The following ACLY variants were observed in gnomAD, a reference collection of about 807,000 sequenced individuals.
The protein encoded by ACLY is ATP-citrate synthase.
ACLY carries 41 observed loss-of-function variants against 133.0 expected under a neutral mutation model. The observed-to-expected ratio is 0.31, with a 90% confidence interval of 0.24 to 0.40. ACLY has a LOEUF of 0.40. Among genes scored for constraint, ACLY ranks in the 10% least tolerant of loss-of-function variants. The probability of loss-of-function intolerance (pLI) is 1.00; values close to 1 mark genes in which losing one functional copy is unlikely to be tolerated. For missense variants in ACLY, 1,046 were observed against 1,453.8 expected (o/e 0.72, Z 4.56); for synonymous variants, 495 against 549.3 (o/e 0.90, Z 1.38).
chr17:41,910,188 G>C (rs782143779), intron 4 of ACLY, 34 bp downstream of exon 4: 13 of 1,605,336 alleles, frequency 8.1e-6, no homozygotes, highest in African/African-American at 2.7e-5. Flanking sequence ...TTCCAGGAGG[G>C]AGAAGACCCA....
At chr17:41,922,775 A>G (rs888408232), upstream of ACLY, among the ~76,000 whole-genome samples, 6 of 152,240 alleles carry the variant, frequency 3.9e-5, no homozygotes, top group African/African-American at 1.2e-4. Flanking sequence ...TGCTAGGCCT[A>G]AGTTTGACTA....
rs782309233 is a variant in ACLY, at chr17:41,887,630, T to A, written c.1844A>T (p.Gln615Leu). Residue 615 changes from glutamine to leucine, a missense_variant, in exon 17 of 29, where the codon CAG becomes CTG. Transcript: ENST00000352035. ...LTRKLIKKAD[Q>L]KGVTIIGPAT... is the part of the protein sequence containing the mutation. ...AGGTCCGATGATGGTCACTCCCTTC[T>A]GGTCCGCCTTCTTGATCAGCTTTCT... 1 of 1,613,932 alleles carries A rather than the reference T, an allele frequency of 6.2e-7. No individual in the cohort carries two copies. The highest frequency in any genetic ancestry group is 2.2e-5 in the East Asian group (1 of 44,868).
chr17:41,925,850 C>CTT (rs113731595), intron 1 of ACLY, among the ~76,000 whole-genome samples: 1 of 145,484 alleles, frequency 6.9e-6, no homozygotes. Context: ...CATAGGTGTA[C>CTT]TTTTTTTTTT....
At chr17:41,923,960 G>A (rs191478085), upstream of ACLY, among the ~76,000 whole-genome samples, 5 of 151,982 alleles carry the variant, frequency 3.3e-5, no homozygotes, top group South Asian at 4.2e-4. Flanking sequence ...ACAGGTGCCC[G>A]CCACCATGCC....
At chr17:41,894,221 A>T (rs1963286618) in intron 14 of ACLY, among the ~76,000 whole-genome samples, 1 of 150,420 alleles carries the variant, frequency 6.6e-6, no homozygotes, top group Non-Finnish European at 1.5e-5. Flanking sequence ...CATCTCAAAA[A>T]AAAAAAAAAA....
intron 6 of ACLY, among the ~76,000 whole-genome samples, chr17:41,908,040 C>A (rs184465658): frequency 1.3e-5 from 2 of 152,272 alleles, no homozygotes; most frequent in Admixed American, 1.3e-4. Context: ...GTGCACTGGA[C>A]TCCCAATCAG....
rs1259794049 is a variant in ACLY at position 41,867,099 on chromosome 17, C to A, written c.*711G>T. The A allele has an allele frequency of 6.6e-6, 1 of 152,610 alleles. No individual in the cohort carries two copies. Among genetic ancestry groups the A allele is most frequent in the Non-Finnish European group, 1.5e-5 (1 of 68,036 alleles). The allele number at this position is 152,610 out of a possible 1,614,324, so 9.5% of individuals were successfully genotyped here. Reference sequence around the variant, plus strand: ...GCATAAATACAGAGAACATAAGACACAAGACATTTCACAGCTTTCTGCATT... The same window carrying A: ...GCATAAATACAGAGAACATAAGACAAAAGACATTTCACAGCTTTCTGCATT... On this transcript the variant is annotated 3_prime_UTR_variant, in exon 29 of 29. Transcript: ENST00000352035.
chr17:41,918,784 C>T lies in ACLY; in HGVS notation c.-24+96G>A, dbSNP rs562046496. 1.2e-5 allele frequency: 15 copies of T among 1,254,704 alleles called. No individual in the cohort carries two copies. In the South Asian group the frequency reaches 1.8e-4, roughly 15 times the overall value. The allele number at this position is 1,254,704 out of a possible 1,614,324, so 77.7% of individuals were successfully genotyped here. A position where few individuals can be genotyped will look rare whatever the true frequency, so the allele number is the denominator to read the frequency against. ...CGAGCAGGGCGCGTGGGCACCGAGC[C>T]CGCGTCGGGGAAGGCGGTTCCGGGT... On this transcript the variant is annotated intron_variant, in intron 1 of 28. Transcript: ENST00000352035.
At chr17:41,901,094 A>G (rs1187901374) in intron 11 of ACLY, among the ~76,000 whole-genome samples, 1 of 150,986 alleles carries the variant, frequency 6.6e-6, no homozygotes, top group Non-Finnish European at 1.5e-5. Context: ...AGCTGGGACT[A>G]CAGGTGTGTA....
At chr17:41,903,761 A>C in intron 10 of ACLY, among the ~76,000 whole-genome samples, 1 of 32,912 alleles carries the variant, frequency 3.0e-5, no homozygotes, top group Non-Finnish European at 8.8e-5. Flanking sequence ...GTCTCAAAAA[A>C]AAAAAAAAAA....
intron 1 of ACLY, 39 bp downstream of exon 1, chr17:41,918,841 A>T: frequency 7.8e-7 from 1 of 1,285,452 alleles, no homozygotes; most frequent in Non-Finnish European, 1.0e-6. Flanking sequence ...TCCTAGGGCG[A>T]GCGGGCTCCA....
chr17:41,908,935 G>A (rs1305373289), intron 6 of ACLY, 54 bp downstream of exon 6: 2 of 1,413,118 alleles, frequency 1.4e-6, no homozygotes, highest in Non-Finnish European at 2.0e-6. Flanking sequence ...CAAGGCCAGG[G>A]CTGTCATAGG....
chr17:41,901,316 T>C (rs1032718247), intron 11 of ACLY, among the ~76,000 whole-genome samples: 4 of 152,046 alleles, frequency 2.6e-5, no homozygotes, highest in African/African-American at 9.7e-5. Context: ...CCCACATGCA[T>C]TCTCCCTTTC....
In ACLY at chr17:41,871,824, C is replaced by T. The variant is rs2048604759; in HGVS notation, c.2802G>A (p.Arg934=). 1 of 1,613,946 alleles carries T rather than the reference C, an allele frequency of 6.2e-7. No homozygotes were observed. Among genetic ancestry groups the T allele is most frequent in the Non-Finnish European group, 8.5e-7 (1 of 1,180,024 alleles). Residue 934 remains arginine, a synonymous_variant, in exon 25 of 29, where the codon CGG becomes CGA. Transcript: ENST00000352035. Reference sequence around the variant, plus strand: ...CTGCTGCATCCAAGGCACCCCCAAACCGATCCCCCTGGAGGAGAAACAAGT... The same window carrying T: ...CTGCTGCATCCAAGGCACCCCCAAATCGATCCCCCTGGAGGAGAAACAAGT... ...LTSGLLTIGD[R]FGGALDAAAK...
intron 22 of ACLY, among the ~76,000 whole-genome samples, chr17:41,875,512 C>T (rs2048718018): frequency 6.6e-6 from 1 of 152,038 alleles, no homozygotes. Context: ...GACTGTACTG[C>T]TGCCATCTCG....
intron 1 of ACLY, among the ~76,000 whole-genome samples, chr17:41,916,730 C>T (rs2050062018): frequency 6.6e-6 from 1 of 151,986 alleles, no homozygotes; most frequent in Admixed American, 6.6e-5. Context: ...TCTTTGAGGC[C>T]TCAGACTCTT....
chr17:41,876,619 C>T (rs1230929889), intron 22 of ACLY, among the ~76,000 whole-genome samples: 5 of 152,222 alleles, frequency 3.3e-5, no homozygotes, highest in Admixed American at 6.5e-5. Flanking sequence ...TTATCCCCAA[C>T]CCTGTGCTCT....
At chr17:41,922,351 G>C (rs369137425), upstream of ACLY, among the ~76,000 whole-genome samples, 4 of 145,894 alleles carry the variant, frequency 2.7e-5, no homozygotes, top group Non-Finnish European at 4.5e-5. Context: ...TGCACTCCAG[G>C]CTGGGTGACA....
chr17:41,909,618 C>A lies in ACLY; in HGVS notation c.428G>T (p.Gly143Val). ...CTTCTGGGCCTTGGCGTCCACATCA[C>A]CCACGTCCACACCCCCCTCGTGGTG... ...LFHHEGGVDVGDVDAKAQKLL... is the reference protein window; with the variant it reads ...LFHHEGGVDVVDVDAKAQKLL... Residue 143 changes from glycine to valine, a missense_variant, in exon 5 of 29, where the codon GGT becomes GTT. By Grantham distance (109) the Gly-to-Val change is moderately radical. Coordinates refer to ENST00000352035, the MANE Select transcript of ACLY (RefSeq NM_001096.3). The A allele has an allele frequency of 6.2e-7, 1 of 1,614,208 alleles. No homozygotes were observed. Among genetic ancestry groups the A allele is most frequent in the Non-Finnish European group, 8.5e-7 (1 of 1,180,050 alleles).
Sources: allele counts gnomAD v4.1 joint callset (sites outside exome capture counted in the v4.1 genomes callset), GRCh38; gene constraint gnomAD v4.1.1; transcripts MANE v1.5; gene names NCBI Gene and HGNC (gene_info 2026-07-23, HGNC 2026-07-21).